CTCFL: variants seen among roughly 807,000 people sequenced by gnomAD.
CTCFL encodes the protein CCCTC-binding factor like, also known as transcriptional repressor CTCFL.
Under a neutral mutation model 67.4 loss-of-function variants are expected in CTCFL, and 36 were observed. The ratio of observed to expected loss-of-function variants is 0.53; its 90% confidence interval spans 0.41 to 0.71. The LOEUF (loss-of-function observed/expected upper bound fraction) is 0.71, where lower values mean the gene tolerates loss of function less well. Among genes scored for constraint, CTCFL ranks in the 30% least tolerant of loss-of-function variants. The probability of loss-of-function intolerance (pLI) is 0.00; values close to 1 mark genes in which losing one functional copy is unlikely to be tolerated. For missense variants in CTCFL, 786 were observed against 835.2 expected (o/e 0.94, Z 0.73); for synonymous variants, 324 against 302.3 (o/e 1.07, Z -0.75).
intron 9 of CTCFL, among the ~76,000 whole-genome samples, chr20:57,504,518 G>A (rs1193134330): frequency 6.6e-6 from 1 of 151,670 alleles, no homozygotes; most frequent in African/African-American, 2.4e-5. Context: ...CTGACCTCAA[G>A]TGATCCACCT....
chr20:57,519,045 A>T (rs1053029194), intron 4 of CTCFL, among the ~76,000 whole-genome samples, 154 bp from the exon 5 acceptor site: 2 of 152,250 alleles, frequency 1.3e-5, no homozygotes, highest in African/African-American at 4.8e-5. Flanking sequence ...CATGTGAGAA[A>T]AATCTTTGTA....
In CTCFL at chr20:57,523,971, T is replaced by C. The variant is rs2069626617; in HGVS notation, c.235A>G (p.Ile79Val). The C allele has an allele frequency of 1.9e-6, 3 of 1,613,196 alleles. No individual in the cohort carries two copies. The highest frequency in any genetic ancestry group is 2.5e-6 in the Non-Finnish European group (3 of 1,180,014). Residue 79 changes from isoleucine (I) to valine (V), a missense_variant, in exon 2 of 11, where the codon ATC becomes GTC. Ile to Val is a conservative substitution (Grantham distance 29). Around this residue, in one of 3 missense-constraint regions of CTCFL, gnomAD observed 333 missense variants for 304.6 expected, o/e 1.09. Transcript: ENST00000243914. ...AAGTGCACCGTCTGCAGGGTCAGGA[T>C]GTACTTCTCGCTCTCCTCCGAGGGG... ...LAPSEESEKY[I>V]LTLQTVHFTS...
intron 5 of CTCFL, among the ~76,000 whole-genome samples, chr20:57,516,685 A>G (rs2068947703): frequency 6.6e-6 from 1 of 152,344 alleles, no homozygotes; most frequent in East Asian, 1.9e-4. Flanking sequence ...GTCCCTGGCT[A>G]TTCAGCATTG....
chr20:57,523,653 C>G lies in CTCFL; in HGVS notation c.543+10G>C. On this transcript the variant is annotated intron_variant, in intron 2 of 10. Transcript: ENST00000243914. ...TCATGTAAGGGGTTGTTTATTAAAACCAGCTGTACCTTGATCAGTCCAGTA... is the reference window on the plus strand; with the variant it reads ...TCATGTAAGGGGTTGTTTATTAAAAGCAGCTGTACCTTGATCAGTCCAGTA... The G allele has an allele frequency of 6.3e-7, 1 of 1,596,722 alleles. No homozygotes were observed. The highest frequency in any genetic ancestry group is 2.2e-5 in the East Asian group (1 of 44,696).
intron 5 of CTCFL, among the ~76,000 whole-genome samples, chr20:57,516,657 G>A (rs2068945209): frequency 6.6e-6 from 1 of 152,254 alleles, no homozygotes; most frequent in Non-Finnish European, 1.5e-5. Context: ...CACAGTAACA[G>A]TGTGAGTGGA....
chr20:57,502,104 G>A (rs1043016913), intron 10 of CTCFL, among the ~76,000 whole-genome samples: 1 of 152,222 alleles, frequency 6.6e-6, no homozygotes, highest in African/African-American at 2.4e-5. Flanking sequence ...CACTGCCTGG[G>A]ACCCCTCAGT....
In CTCFL at chr20:57,524,119, C is replaced by T; in HGVS notation, c.87G>A (p.Glu29=). Residue 29 remains glutamate (E), a synonymous_variant, in exon 2 of 11, where the codon GAG becomes GAA. Coordinates refer to ENST00000243914, the MANE Select transcript of CTCFL (RefSeq NM_001386993.1). The stretch of plus-strand genomic sequence containing the variant: ...CTCTGCACACTCCGTCTTTTTCCTC[C>T]TCCTTCAGGCCTTTTTCCGGCATCA... ...LELMPEKGLK[E]EEKDGVCREK... 5 of 1,613,740 alleles carry T rather than the reference C, an allele frequency of 3.1e-6. No individual in the cohort carries two copies. The highest frequency in any genetic ancestry group is 3.4e-6 in the Non-Finnish European group (4 of 1,179,980).
intron 3 of CTCFL, among the ~76,000 whole-genome samples, chr20:57,522,654 C>A (rs976957530): frequency 6.6e-6 from 1 of 152,132 alleles, no homozygotes; most frequent in African/African-American, 2.4e-5. Context: ...CTGGACTCAC[C>A]TAAATATCAC....
chr20:57,523,010 TAAAG>T (rs1235950682), intron 3 of CTCFL, 54 bp downstream of exon 3: 2 of 1,372,826 alleles, frequency 1.5e-6, no homozygotes, highest in African/African-American at 1.5e-5. Flanking sequence ...CACCTGCCCA[TAAAG>T]AAAAACAGCA....
intron 9 of CTCFL, chr20:57,507,427 GCC>G: frequency 1.6e-6 from 1 of 621,144 alleles, no homozygotes; most frequent in East Asian, 2.7e-5. Flanking sequence ...TGAGCTCCTG[GCC>G]TCAAGTTATC....
intron 3 of CTCFL, 32 bp downstream of exon 3, chr20:57,523,036 G>C (rs770582974): frequency 2.6e-6 from 4 of 1,555,330 alleles, no homozygotes; most frequent in Non-Finnish European, 3.5e-6. Flanking sequence ...CCCAGTTTTA[G>C]GGAGTGTATT....
intron 5 of CTCFL, among the ~76,000 whole-genome samples, chr20:57,517,527 C>T (rs1266742410): frequency 6.6e-6 from 1 of 152,146 alleles, no homozygotes; most frequent in Non-Finnish European, 1.5e-5. Flanking sequence ...ATACGCTCAC[C>T]TTGGCCTCCC....
At chr20:57,501,891 G>A (rs2067934118) in intron 10 of CTCFL, among the ~76,000 whole-genome samples, 1 of 152,204 alleles carries the variant, frequency 6.6e-6, no homozygotes, top group South Asian at 2.1e-4. Flanking sequence ...TGGGCACCTG[G>A]GCAGGCTCGT....
chr20:57,520,595 A>G (rs536234016), intron 3 of CTCFL, among the ~76,000 whole-genome samples: 1 of 152,358 alleles, frequency 6.6e-6, no homozygotes, highest in East Asian at 1.9e-4. Flanking sequence ...TTCCGGTTCC[A>G]TTCTCTGCTC....
intron 5 of CTCFL, among the ~76,000 whole-genome samples, chr20:57,516,917 G>C (rs1042607148): frequency 6.6e-6 from 1 of 152,170 alleles, no homozygotes; most frequent in African/African-American, 2.4e-5. Flanking sequence ...CAGGAAATGG[G>C]GGCATCAGCT....
intron 10 of CTCFL, chr20:57,499,851 C>G (rs2209885): frequency 0.6 from 300,738 of 498,624 alleles, 91,591 homozygotes; most frequent in South Asian, 0.74. Context: ...GGTGATGCGC[C>G]CGATGGGGAG....
Position 57,523,875 on chromosome 20 carries a change from C to A in CTCFL, c.331G>T (p.Val111Leu). Residue 111 changes from valine (V) to leucine (L), a missense_variant, in exon 2 of 11, where the codon GTG becomes TTG. Physicochemically the swap from Val to Leu is conservative, Grantham distance 32 (BLOSUM62 1). This residue lies in a region of CTCFL where 333 missense variants were observed against 304.6 expected (regional missense o/e 1.09). Transcript: ENST00000243914. ...SIQQQEGVQV[V>L]VQQPGPGLLW... ...AACCCAGGGCCAGGCTGTTGCACCACCACCTGCACCCCTTCTTGCTGCTGT... is the reference window on the plus strand; with the variant it reads ...AACCCAGGGCCAGGCTGTTGCACCAACACCTGCACCCCTTCTTGCTGCTGT... 1.2e-6 allele frequency: 2 copies of A among 1,613,224 alleles called. No homozygotes were observed. The highest frequency in any genetic ancestry group is 1.7e-6 in the Non-Finnish European group (2 of 1,180,032).
chr20:57,513,532 T>G, intron 7 of CTCFL: 1 of 1,070,550 alleles, frequency 9.3e-7, no homozygotes, highest in Non-Finnish European at 1.1e-6. Context: ...TATCACCCAC[T>G]GGCATGAGAT....
rs1459814483 is a variant in CTCFL, at chr20:57,519,169, A to C, written c.925+38T>G. On this transcript the variant is annotated intron_variant, in intron 4 of 10. Coordinates refer to ENST00000243914, the MANE Select transcript of CTCFL (RefSeq NM_001386993.1). ...ACATTCTTAACATAAGCCTTAACAC[A>C]CATCATTCCAGAGAAACAGCCTTCC... 7 of 1,599,624 alleles carry C rather than the reference A, an allele frequency of 4.4e-6. No homozygotes were observed. The African/African-American group carries it at 8.0e-5, about 18-fold the overall frequency.
Sources: allele counts gnomAD v4.1 joint callset (sites outside exome capture counted in the v4.1 genomes callset), GRCh38; gene constraint gnomAD v4.1.1; regional missense constraint gnomAD v4.1.1; transcripts MANE v1.5; gene names NCBI Gene and HGNC (gene_info 2026-07-23, HGNC 2026-07-21).